OXR1: variants seen among roughly 807,000 people sequenced by gnomAD.
The protein encoded by OXR1 is oxidation resistance 1.
Under a neutral mutation model 104.6 loss-of-function variants are expected in OXR1, and 41 were observed. The observed-to-expected ratio is 0.39, with a 90% CI of 0.31 to 0.51. The LOEUF (loss-of-function observed/expected upper bound fraction) is 0.51. Among genes scored for constraint, OXR1 ranks in the 20% least tolerant of loss-of-function variants. The pLI, the probability that OXR1 is intolerant of heterozygous loss-of-function variation, is 0.77. For missense variants in OXR1, 955 were observed against 1,031.9 expected (o/e 0.93, Z 1.02); for synonymous variants, 348 against 348.4 (o/e 1.00, Z 0.01).
intron 11 of OXR1, among the ~76,000 whole-genome samples, chr8:106,725,811 A>G (rs1040770159): frequency 6.6e-5 from 10 of 152,346 alleles, no homozygotes; most frequent in South Asian, 2.1e-4. Context: ...TTTTATGACT[A>G]TATGAACAAA....
intron 3 of OXR1, among the ~76,000 whole-genome samples, chr8:106,567,493 G>A (rs1252400305): frequency 6.6e-6 from 1 of 151,882 alleles, no homozygotes; most frequent in Non-Finnish European, 1.5e-5. Context: ...AGCCTCATCT[G>A]TTTACATTTT....
At chr8:106,671,463 A>T (rs1394051179) in intron 3 of OXR1, among the ~76,000 whole-genome samples, 1 of 152,204 alleles carries the variant, frequency 6.6e-6, no homozygotes, top group African/African-American at 2.4e-5. Context: ...AGTTTTTAAC[A>T]TCCTTGCATT....
At chr8:106,288,608 A>T (rs13272386) in intron 1 of OXR1, among the ~76,000 whole-genome samples, 1 of 148,428 alleles carries the variant, frequency 6.7e-6, no homozygotes, top group African/African-American at 2.5e-5. Context: ...TATACTCTCT[A>T]TATATTTATA....
intron 2 of OXR1, among the ~76,000 whole-genome samples, chr8:106,369,312 G>C (rs111719909): frequency 0.025 from 3,832 of 152,132 alleles, 165 homozygotes; most frequent in African/African-American, 0.088. Flanking sequence ...TTGTCAGATG[G>C]GTAGATTGCA....
intron 2 of OXR1, among the ~76,000 whole-genome samples, chr8:106,462,579 C>T (rs1479347495): frequency 6.6e-6 from 1 of 152,132 alleles, no homozygotes; most frequent in Non-Finnish European, 1.5e-5. Context: ...ATGGTGAAAA[C>T]ATTTCCTACT....
At position 106,447,695 on chromosome 8, in the gene OXR1, C is replaced by T. The variant is rs185489914; in HGVS notation, c.24-71248C>T. On this transcript the variant is annotated intron_variant, in intron 2 of 16. Transcript: ENST00000517566. The stretch of plus-strand genomic sequence containing the variant: ...TATCTCTAAATCGCTTCTGTGTTTT[C>T]CTTGTAGCATACAAAGAAAAATACA... Among the ~76,000 whole-genome samples, 481 of 152,280 alleles carry T rather than the reference C, an allele frequency of 3.2e-3. 14 individuals are homozygous for T. Among genetic ancestry groups the T allele is most frequent in the Middle Eastern group, 3.4e-3 (1 of 294 alleles).
chr8:106,657,920 TG>T (rs1825297172), intron 3 of OXR1: 12 of 1,246,620 alleles, frequency 9.6e-6, no homozygotes, highest in Non-Finnish European at 1.2e-5. Flanking sequence ...GGCGCGCTAG[TG>T]GTGGCCGCCA....
chr8:106,270,723 A>G (rs553507005), intron 1 of OXR1, among the ~76,000 whole-genome samples: 150 of 151,916 alleles, frequency 9.9e-4, no homozygotes, highest in Non-Finnish European at 1.8e-3. Context: ...CCGCAGAAGG[A>G]AAGTGGGGGT....
chr8:106,359,047 T>TTTTCTTTCTTTCTTTCTTTCTTTC (rs76498142), intron 1 of OXR1, among the ~76,000 whole-genome samples: 21 of 141,250 alleles, frequency 1.5e-4, no homozygotes, highest in African/African-American at 4.5e-4. Context: ...CATGGAATTC[T>TTTTCTTTCTTTCTTTCTTTCTTTC]TTTCTTTCTT....
intron 6 of OXR1, among the ~76,000 whole-genome samples, chr8:106,691,985 A>G (rs887074727): frequency 4.8e-4 from 71 of 149,100 alleles, no homozygotes; most frequent in African/African-American, 1.7e-3. Flanking sequence ...GTCTATATAT[A>G]TACACACACA....
intron 3 of OXR1, among the ~76,000 whole-genome samples, chr8:106,671,743 T>C (rs1283010795): frequency 7.0e-6 from 1 of 143,090 alleles, no homozygotes; most frequent in East Asian, 2.0e-4. Context: ...CTGCATGTTC[T>C]CACTCATAGG....
chr8:106,563,279 A>C (rs1445753816), intron 3 of OXR1, among the ~76,000 whole-genome samples: 4 of 142,970 alleles, frequency 2.8e-5, no homozygotes, highest in Non-Finnish European at 4.5e-5. Context: ...AGGAAGATTT[A>C]CCAAGCAAAT....
chr8:106,544,265 G>C (rs1486837071), intron 3 of OXR1, among the ~76,000 whole-genome samples: 1 of 151,278 alleles, frequency 6.6e-6, no homozygotes, highest in East Asian at 1.9e-4. Flanking sequence ...AATCCAAAGG[G>C]AGGCAGATGT....
intron 2 of OXR1, among the ~76,000 whole-genome samples, chr8:106,364,636 T>C (rs1362720013): frequency 6.6e-6 from 1 of 152,034 alleles, no homozygotes; most frequent in African/African-American, 2.4e-5. Flanking sequence ...TTTAGAATTT[T>C]AGAGTTCAGA....
Position 106,587,955 on chromosome 8 carries a change from AT to A in OXR1, c.220+68830del, listed in dbSNP as rs35772022. On this transcript the variant is annotated intron_variant, in intron 3 of 16. Transcript: ENST00000517566. ...TTGAACCATCTTCTAAATATAAACA[AT>A]TTTTTTTTTTTTTGAGACAGAGTCT... Among the ~76,000 whole-genome samples the A allele has an allele frequency of 3.1e-3, 447 of 145,218 alleles. 1 individual carries two copies. The highest frequency in any genetic ancestry group is 0.026 in the South Asian group (120 of 4,552).
intron 2 of OXR1, among the ~76,000 whole-genome samples, chr8:106,442,691 A>G (rs1437783859): frequency 6.6e-6 from 1 of 152,134 alleles, no homozygotes; most frequent in South Asian, 2.1e-4. Context: ...TAGATTTTCT[A>G]GTTTATTTGC....
At position 106,374,038 on chromosome 8, in the gene OXR1, C is replaced by T. The variant is rs116821748; in HGVS notation, c.23+14402C>T. Among the ~76,000 whole-genome samples, 569 of 152,358 alleles carry T rather than the reference C, an allele frequency of 3.7e-3. 7 individuals carry two copies. The highest frequency in any genetic ancestry group is 0.013 in the African/African-American group (527 of 41,592). ...AAGTCACTCGTGTATCTCCCACCTT[C>T]ATTTGGCACTTAGGTTGGTAGATTC... is the stretch of plus-strand genomic sequence containing the variant. On this transcript the variant is annotated intron_variant, in intron 2 of 16. Transcript: ENST00000517566.
chr8:106,309,431 G>A (rs192734207), intron 1 of OXR1, among the ~76,000 whole-genome samples: 8 of 152,050 alleles, frequency 5.3e-5, no homozygotes, highest in Admixed American at 2.0e-4. Context: ...TTACATAGAC[G>A]ATAAATTAGC....
intron 2 of OXR1, among the ~76,000 whole-genome samples, chr8:106,471,366 C>T (rs1326256027): frequency 2.0e-5 from 3 of 151,668 alleles, no homozygotes; most frequent in Non-Finnish European, 3.0e-5. Flanking sequence ...TGCTCAAAAA[C>T]CTTTTGTAGC....
Sources: gnomAD v4.1 joint callset for allele counts (sites outside exome capture counted in the v4.1 genomes callset) on GRCh38, gnomAD v4.1.1 for gene constraint, MANE v1.5 for transcripts, NCBI Gene and HGNC (gene_info 2026-07-23, HGNC 2026-07-21) for gene names.